Variants in WWP2 observed in about 807,000 individuals in gnomAD.
WWP2 encodes NEDD4-like E3 ubiquitin-protein ligase WWP2.
A neutral mutation model predicts 121.0 loss-of-function variants in WWP2; 57 were observed. That is an observed-to-expected ratio of 0.47 (90% CI 0.38 to 0.59). The LOEUF is 0.59. Ranked by LOEUF, WWP2 falls within the 20% of genes least tolerant of loss-of-function variation. WWP2 has a pLI of 0.00. For missense variants in WWP2, 962 were observed against 1,158.9 expected (o/e 0.83, Z 2.47); for synonymous variants, 449 against 441.3 (o/e 1.02, Z -0.22).
chr16:69,877,075 T>C (rs1567400653), intron 7 of WWP2, among the ~76,000 whole-genome samples: 1 of 152,244 alleles, frequency 6.6e-6, no homozygotes, highest in Non-Finnish European at 1.5e-5. Flanking sequence ...ACCTGTCCTT[T>C]GAAGCTTTGA....
At chr16:69,845,208 C>T (rs1039459778) in intron 6 of WWP2, among the ~76,000 whole-genome samples, 2 of 152,048 alleles carry the variant, frequency 1.3e-5, no homozygotes, top group Non-Finnish European at 2.9e-5. Context: ...TGAGGCATGT[C>T]AGTCAGAGGG....
At chr16:69,871,712 C>T (rs1405447085) in intron 6 of WWP2, 92 bp from the exon 7 acceptor site, 2 of 1,539,434 alleles carry the variant, frequency 1.3e-6, no homozygotes, top group South Asian at 1.2e-5. Context: ...CAATAAATGG[C>T]AGGAGAAGGG....
chr16:69,900,427 A>C (rs2058184965), intron 8 of WWP2, among the ~76,000 whole-genome samples: 1 of 152,212 alleles, frequency 6.6e-6, no homozygotes, highest in Admixed American at 6.5e-5. Flanking sequence ...CCAGGAGTTC[A>C]AAACCACCCT....
In WWP2 at chr16:69,820,784, C is replaced by G. The variant is rs572840623; in HGVS notation, c.341-19342C>G. 4.1e-4 allele frequency among the ~76,000 whole-genome samples: 62 copies of G among 151,808 alleles called. 1 individual carries two copies. The highest frequency in any genetic ancestry group is 1.5e-3 in the African/African-American group (62 of 41,440). ...GCAGGCGTTTTGTGAATTTTGTTCA[C>G]TTTTGTGTACCTACAACACAAAACC... is the stretch of plus-strand genomic sequence containing the variant. On this transcript the variant is annotated intron_variant, in intron 4 of 23. Coordinates refer to ENST00000359154, the MANE Select transcript of WWP2 (RefSeq NM_001270454.2).
rs368331143 is a variant in WWP2 at position 69,931,493 on chromosome 16, C to CT, written c.1522-4dup. The CT allele has an allele frequency of 0.075, 64,279 of 859,962 alleles. 1 individual carries two copies. Among genetic ancestry groups the CT allele is most frequent in the Non-Finnish European group, 0.084 (50,573 of 599,432 alleles). 53.3% of individuals were successfully genotyped at this position (859,962 alleles called of 1,614,324 possible). On this transcript the variant is annotated splice_polypyrimidine_tract_variant and intron_variant, in intron 14 of 23. Coordinates refer to ENST00000359154, the MANE Select transcript of WWP2 (RefSeq NM_001270454.2). ...TTGAGGCTCGATTTAAAGTTCTTTT[C>CT]TTTTTTTTTTTTCAGTCAAATGCCC...
Position 69,871,945 on chromosome 16 carries a change from C to G in WWP2, c.703+14C>G, listed in dbSNP as rs768731278. 6.2e-7 allele frequency: 1 copy of G among 1,610,076 alleles called. No homozygotes were observed. The highest frequency in any genetic ancestry group is 8.5e-7 in the Non-Finnish European group (1 of 1,178,046). On this transcript the variant is annotated intron_variant, in intron 7 of 23. Coordinates refer to ENST00000359154, the MANE Select transcript of WWP2 (RefSeq NM_001270454.2). ...CCAATGGCACAGGTGAGTGATGGCA[C>G]CGCACGCCAGCCTGCACTGAAGCTG... is the stretch of plus-strand genomic sequence containing the variant.
chr16:69,780,196 A>G (rs1336569550), intron 1 of WWP2, among the ~76,000 whole-genome samples: 3 of 150,210 alleles, frequency 2.0e-5, no homozygotes, highest in African/African-American at 7.3e-5. Flanking sequence ...CAACGTATAC[A>G]GTTGTTTTGT....
chr16:69,910,818 C>T (rs1213022055), intron 9 of WWP2, among the ~76,000 whole-genome samples: 5 of 152,146 alleles, frequency 3.3e-5, no homozygotes, highest in African/African-American at 7.2e-5. Context: ...TTCTAAGGAT[C>T]GCTGGGGACT....
intron 8 of WWP2, among the ~76,000 whole-genome samples, chr16:69,891,193 A>G (rs1254565365): frequency 1.3e-5 from 2 of 152,160 alleles, no homozygotes; most frequent in South Asian, 2.1e-4. Context: ...TATTTCTGCC[A>G]GCGATCCTTC....
intron 8 of WWP2, among the ~76,000 whole-genome samples, chr16:69,904,045 A>G (rs958355086): frequency 5.3e-5 from 8 of 152,232 alleles, no homozygotes; most frequent in Non-Finnish European, 8.8e-5. Context: ...GATGTTATAA[A>G]AGAGAGGCTT....
chr16:69,872,913 A>T (rs2057667633), intron 7 of WWP2, among the ~76,000 whole-genome samples: 1 of 152,246 alleles, frequency 6.6e-6, no homozygotes, highest in Non-Finnish European at 1.5e-5. Flanking sequence ...AAGGAAAAAG[A>T]AAAAACAAAC....
chr16:69,771,303 C>T (rs1051260364), intron 1 of WWP2, among the ~76,000 whole-genome samples: 14 of 152,018 alleles, frequency 9.2e-5, no homozygotes, highest in African/African-American at 3.1e-4. Flanking sequence ...GGCTGGAGTG[C>T]AGTGTGCTAT....
chr16:69,903,766 C>CAAAA (rs1270704481), intron 8 of WWP2, among the ~76,000 whole-genome samples: 13 of 86,346 alleles, frequency 1.5e-4, no homozygotes, highest in African/African-American at 5.0e-4. Context: ...GAATCTGTCT[C>CAAAA]AAAAAAAAAA....
chr16:69,764,519 C>G (rs2038686789), intron 1 of WWP2, among the ~76,000 whole-genome samples: 1 of 152,124 alleles, frequency 6.6e-6, no homozygotes, highest in East Asian at 1.9e-4. Context: ...CATAATTTTT[C>G]AGGAATAAAA....
intron 4 of WWP2, among the ~76,000 whole-genome samples, chr16:69,801,606 G>C (rs1391061591): frequency 6.6e-6 from 1 of 152,052 alleles, no homozygotes; most frequent in Non-Finnish European, 1.5e-5. Flanking sequence ...GCTATTTATA[G>C]GCACGATCAC....
intron 1 of WWP2, among the ~76,000 whole-genome samples, chr16:69,783,933 C>T (rs1210773828): frequency 6.6e-6 from 1 of 151,948 alleles, no homozygotes; most frequent in Non-Finnish European, 1.5e-5. Flanking sequence ...CCGGCATGGG[C>T]GACAGAGTGA....
intron 4 of WWP2, among the ~76,000 whole-genome samples, chr16:69,828,329 C>G (rs1338841673): frequency 6.6e-6 from 1 of 152,124 alleles, no homozygotes; most frequent in Non-Finnish European, 1.5e-5. Flanking sequence ...AGCTGTTCTT[C>G]TCTGTCTTTC....
chr16:69,885,102 T>TACACACACACACACACAC (rs3051438), intron 7 of WWP2, among the ~76,000 whole-genome samples: 5 of 139,942 alleles, frequency 3.6e-5, no homozygotes, highest in South Asian at 2.4e-4. Context: ...AAACTCCTCC[T>TACACACACACACACACAC]ACACACACAC....
At chr16:69,815,330 C>T (rs949102735) in intron 4 of WWP2, among the ~76,000 whole-genome samples, 1 of 152,092 alleles carries the variant, frequency 6.6e-6, no homozygotes, top group African/African-American at 2.4e-5. Flanking sequence ...TTTTTAGAGG[C>T]AAGGACCTAC....
Sources: gnomAD v4.1 joint callset for allele counts (sites outside exome capture counted in the v4.1 genomes callset) on GRCh38, gnomAD v4.1.1 for gene constraint, MANE v1.5 for transcripts, NCBI Gene and HGNC (gene_info 2026-07-23, HGNC 2026-07-21) for gene names.